The following ZPBP variants were observed in gnomAD, a reference collection of about 807,000 sequenced individuals.
ZPBP encodes the protein zona pellucida-binding protein 1.
A neutral mutation model predicts 44.8 loss-of-function variants in ZPBP; 26 were observed. The observed-to-expected ratio is 0.58, with a 90% confidence interval of 0.43 to 0.81. The LOEUF is 0.81. ZPBP is among the 30% of genes least tolerant of loss of function. The probability of loss-of-function intolerance (pLI) is 0.00; values close to 1 mark genes in which losing one functional copy is unlikely to be tolerated. For missense variants in ZPBP, 409 were observed against 434.0 expected (o/e 0.94, Z 0.51); for synonymous variants, 174 against 153.2 (o/e 1.14, Z -1.00).
chr7:49,870,599 T>G (rs1242574282), intron 2 of ZPBP, among the ~76,000 whole-genome samples: 4 of 152,090 alleles, frequency 2.6e-5, no homozygotes, highest in Non-Finnish European at 5.9e-5. Flanking sequence ...CGAGTAGGAT[T>G]TTCACACCTG....
chr7:50,019,921 C>G (rs1437714944), intron 5 of ZPBP, among the ~76,000 whole-genome samples: 1 of 151,754 alleles, frequency 6.6e-6, no homozygotes, highest in East Asian at 1.9e-4. Flanking sequence ...ATGAGATTAT[C>G]TAAATCTAGG....
chr7:49,875,395 A>AAAAAAAAAC (rs1562746141), intron 2 of ZPBP, among the ~76,000 whole-genome samples: 5 of 149,594 alleles, frequency 3.3e-5, no homozygotes, highest in African/African-American at 1.2e-4. Context: ...AAAAAAAAAA[A>AAAAAAAAAC]AACAGGAATA....
At chr7:49,996,568 T>C (rs918776341) in intron 6 of ZPBP, among the ~76,000 whole-genome samples, 1 of 151,334 alleles carries the variant, frequency 6.6e-6, no homozygotes, top group Non-Finnish European at 1.5e-5. Context: ...AGATTAACAG[T>C]GTAAATTTTT....
intron 2 of ZPBP, among the ~76,000 whole-genome samples, chr7:49,872,368 A>G (rs1791194433): frequency 6.6e-6 from 1 of 152,170 alleles, no homozygotes; most frequent in Admixed American, 6.5e-5. Context: ...AATGACAGAA[A>G]TGGTGTCAAG....
In ZPBP at chr7:49,893,254, C is replaced by T. The variant is rs533705396; in HGVS notation, n.509+7864G>A. On this transcript the variant is annotated intron_variant and non_coding_transcript_variant, in intron 2 of 2. Transcript: ENST00000465922. Reference sequence around the variant, plus strand: ...TCAAGGAGTTATGCACTAGGTTCCACGAATCTAGAATACGGCATGTTCCCA... The same window carrying T: ...TCAAGGAGTTATGCACTAGGTTCCATGAATCTAGAATACGGCATGTTCCCA... Among the ~76,000 whole-genome samples, 8 of 152,088 alleles carry T rather than the reference C, an allele frequency of 5.3e-5. 1 individual carries two copies. The highest frequency in any genetic ancestry group is 4.2e-4 in the South Asian group (2 of 4,798).
chr7:50,000,433 T>C (rs1798042151), intron 6 of ZPBP, among the ~76,000 whole-genome samples: 1 of 152,190 alleles, frequency 6.6e-6, no homozygotes, highest in African/African-American at 2.4e-5. Flanking sequence ...ACCAACTTGA[T>C]TTATATTCCT....
chr7:49,912,429 G>A (rs185674287), intron 1 of ZPBP: 51 of 391,438 alleles, frequency 1.3e-4, no homozygotes, highest in Non-Finnish European at 2.2e-4. Flanking sequence ...TTCACAGTAA[G>A]TACACAAAAG....
chr7:49,944,041 A>G, intron 7 of ZPBP: 1 of 255,392 alleles, frequency 3.9e-6, no homozygotes, highest in Non-Finnish European at 8.0e-6. Context: ...AGTATCAGGA[A>G]CGTGCACCTT....
intron 2 of ZPBP, among the ~76,000 whole-genome samples, chr7:49,875,386 A>AAAAAAC (rs1562746107): frequency 1.3e-5 from 2 of 149,776 alleles, no homozygotes; most frequent in Non-Finnish European, 3.0e-5. Flanking sequence ...AAAAAAAAAA[A>AAAAAAC]AAAAAAAAAA....
chr7:49,953,619 T>A (rs1366100306), intron 7 of ZPBP, among the ~76,000 whole-genome samples: 1 of 152,036 alleles, frequency 6.6e-6, no homozygotes, highest in African/African-American at 2.4e-5. Context: ...AAGAAACAAA[T>A]TTTTAGGAAC....
At chr7:49,872,630 G>A (rs1294423166) in intron 2 of ZPBP, among the ~76,000 whole-genome samples, 2 of 151,632 alleles carry the variant, frequency 1.3e-5, no homozygotes, top group African/African-American at 4.8e-5. Context: ...TTGGGGCTGG[G>A]CGCAGTGGCT....
At chr7:50,058,563 A>G (rs993635254) in intron 3 of ZPBP, among the ~76,000 whole-genome samples, 13 of 152,188 alleles carry the variant, frequency 8.5e-5, no homozygotes. Context: ...TGCATATGAA[A>G]CAGATAAATA....
At chr7:50,003,407 T>C (rs1291952750) in intron 6 of ZPBP, among the ~76,000 whole-genome samples, 2 of 152,224 alleles carry the variant, frequency 1.3e-5, no homozygotes, top group Non-Finnish European at 2.9e-5. Context: ...TTGCTCACTC[T>C]AGCTCAGACT....
intron 1 of ZPBP, among the ~76,000 whole-genome samples, chr7:49,904,054 C>G (rs188079305): frequency 1.3e-5 from 2 of 152,214 alleles, no homozygotes; most frequent in Admixed American, 1.3e-4. Context: ...TGGTTGCCAT[C>G]TTATCTGCTC....
intron 7 of ZPBP, among the ~76,000 whole-genome samples, chr7:49,945,308 G>A (rs1583889043): frequency 6.6e-6 from 1 of 152,174 alleles, no homozygotes; most frequent in African/African-American, 2.4e-5. Flanking sequence ...GGAGAAGAAT[G>A]TGTATTCTGC....
intron 7 of ZPBP, among the ~76,000 whole-genome samples, chr7:49,982,188 TTA>T (rs1193672344): frequency 6.7e-5 from 4 of 59,532 alleles, no homozygotes; most frequent in Non-Finnish European, 1.2e-4. Context: ...TAATTTATTA[TTA>T]TATATATTTA....
At chr7:50,047,286 A>T (rs1182874413) in intron 4 of ZPBP, among the ~76,000 whole-genome samples, 1 of 152,074 alleles carries the variant, frequency 6.6e-6, no homozygotes, top group African/African-American at 2.4e-5. Flanking sequence ...CCCAGAATTT[A>T]AACTATAATT....
intron 6 of ZPBP, among the ~76,000 whole-genome samples, chr7:50,007,725 C>T (rs150647101): frequency 2.7e-4 from 41 of 151,776 alleles, no homozygotes; most frequent in African/African-American, 9.9e-4. Flanking sequence ...TTTCAACATA[C>T]AAAAATCAAT....
intron 2 of ZPBP, among the ~76,000 whole-genome samples, chr7:49,863,368 T>A (rs1790740431): frequency 6.6e-6 from 1 of 152,206 alleles, no homozygotes; most frequent in South Asian, 2.1e-4. Context: ...AGCTAAAGAT[T>A]TGTCAGTTTT....
Sources: allele counts gnomAD v4.1 joint callset (sites outside exome capture counted in the v4.1 genomes callset), GRCh38; gene constraint gnomAD v4.1.1; transcripts MANE v1.5; gene names NCBI Gene and HGNC (gene_info 2026-07-23, HGNC 2026-07-21).